The following NAV2 variants were observed in gnomAD, a reference collection of about 807,000 sequenced individuals.
NAV2 encodes helicase, APC down-regulated 1.
A neutral mutation model predicts 223.2 loss-of-function variants in NAV2; 54 were observed. The ratio of observed to expected loss-of-function variants is 0.24; its 90% CI spans 0.19 to 0.30. The LOEUF is 0.30. Ranked by LOEUF, NAV2 falls within the 10% of genes least tolerant of loss-of-function variation. The probability of loss-of-function intolerance (pLI) is 1.00; values close to 1 mark genes in which losing one functional copy is unlikely to be tolerated. For missense variants in NAV2, 2,806 were observed against 3,147.5 expected (o/e 0.89, Z 2.60); for synonymous variants, 1,279 against 1,239.3 (o/e 1.03, Z -0.67).
chr11:20,013,658 C>CG (rs1429909345), intron 11 of NAV2, among the ~76,000 whole-genome samples: 2 of 152,058 alleles, frequency 1.3e-5, no homozygotes, highest in Non-Finnish European at 2.9e-5. Context: ...AAGGGTTCTG[C>CG]GGGAAAAGGT....
intron 1 of NAV2, among the ~76,000 whole-genome samples, chr11:19,539,156 C>T (rs987341302): frequency 2.6e-5 from 4 of 152,184 alleles, no homozygotes; most frequent in South Asian, 2.1e-4. Flanking sequence ...TCTAATTCTA[C>T]GTACTGAGCC....
At chr11:19,564,596 AGACTTAGCG>A in intron 1 of NAV2, among the ~76,000 whole-genome samples, 1 of 151,880 alleles carries the variant, frequency 6.6e-6, no homozygotes, top group Middle Eastern at 3.4e-3. Flanking sequence ...GTGCCTCACC[AGACTTAGCG>A]AGAGGGGCTG....
At chr11:19,580,125 CG>C (rs2045673411) in intron 1 of NAV2, among the ~76,000 whole-genome samples, 1 of 152,032 alleles carries the variant, frequency 6.6e-6, no homozygotes, top group African/African-American at 2.4e-5. Context: ...TTGACCCAAC[CG>C]GGGGGTGGGG....
chr11:19,491,853 G>C lies in NAV2; in HGVS notation c.75+140826G>C, dbSNP rs188127678. Among the ~76,000 whole-genome samples the C allele has an allele frequency of 9.9e-5, 15 of 152,254 alleles. No homozygotes were observed. In the East Asian group the frequency reaches 2.9e-3, roughly 29 times the overall value. On this transcript the variant is annotated intron_variant, in intron 1 of 37. Transcript: ENST00000360655. ...TTCTAGCTTTTGATTTAAAGTGAGA[G>C]ATGTGCGACTCTTCCTTTCACTTGA...
intron 1 of NAV2, among the ~76,000 whole-genome samples, chr11:19,513,931 T>C (rs1183282185): frequency 6.6e-6 from 1 of 152,128 alleles, no homozygotes; most frequent in Non-Finnish European, 1.5e-5. Context: ...AAGGAAGAAT[T>C]CTACCCTGAG....
intron 1 of NAV2, among the ~76,000 whole-genome samples, chr11:19,387,586 G>A (rs1769928059): frequency 6.6e-6 from 1 of 152,114 alleles, no homozygotes; most frequent in South Asian, 2.1e-4. Flanking sequence ...GGAAGGGATT[G>A]AGTAGTTGGT....
In NAV2 at chr11:19,962,287, G is replaced by A. The variant is rs146495249; in HGVS notation, c.2645+13207G>A. On this transcript the variant is annotated intron_variant, in intron 10 of 37. Transcript: ENST00000349880. ...CCACCTACATTATGGAGGATGATCTGCTTTACTCAGAGTCTACTGATTTAA... is the reference window on the plus strand; with the variant it reads ...CCACCTACATTATGGAGGATGATCTACTTTACTCAGAGTCTACTGATTTAA... Among the ~76,000 whole-genome samples, 6 of 152,048 alleles carry A rather than the reference G, an allele frequency of 3.9e-5. No individual in the cohort carries two copies. The East Asian group carries it at 1.2e-3, about 30-fold the overall frequency.
chr11:19,675,012 G>A (rs926305351), intron 1 of NAV2, among the ~76,000 whole-genome samples: 4 of 152,194 alleles, frequency 2.6e-5, no homozygotes, highest in Non-Finnish European at 5.9e-5. Context: ...AAGAGCCTGA[G>A]TGCTTCTAAT....
intron 26 of NAV2, among the ~76,000 whole-genome samples, chr11:20,088,931 T>C (rs2060635692): frequency 1.3e-5 from 2 of 152,036 alleles, no homozygotes; most frequent in South Asian, 4.1e-4. Context: ...TTACACTCCA[T>C]TTAAACCAAG....
At chr11:20,087,387 C>T (rs2060522309) in intron 26 of NAV2, among the ~76,000 whole-genome samples, 1 of 152,144 alleles carries the variant, frequency 6.6e-6, no homozygotes, top group Non-Finnish European at 1.5e-5. Flanking sequence ...AAAGGGTAGG[C>T]TGAGAGCAAA....
At chr11:19,511,052 T>TTTTTAGGC (rs1327313433) in intron 1 of NAV2, 1 of 152,212 alleles carries the variant, frequency 6.6e-6, no homozygotes, top group Non-Finnish European at 1.5e-5. Context: ...TTAGTCTTGG[T>TTTTTAGGC]TTTTAGGCTG....
chr11:19,923,359 C>G (rs1310385192), intron 6 of NAV2, among the ~76,000 whole-genome samples: 1 of 151,874 alleles, frequency 6.6e-6, no homozygotes, highest in Non-Finnish European at 1.5e-5. Context: ...TGCAAATAGG[C>G]ACATTAAAGG....
At chr11:19,402,201 G>A (rs1249473663) in intron 1 of NAV2, among the ~76,000 whole-genome samples, 1 of 152,218 alleles carries the variant, frequency 6.6e-6, no homozygotes, top group Admixed American at 6.5e-5. Flanking sequence ...ATGTGCTGAG[G>A]AGCATGGACT....
At chr11:19,786,365 C>T (rs1230882742) in intron 1 of NAV2, among the ~76,000 whole-genome samples, 2 of 152,190 alleles carry the variant, frequency 1.3e-5, no homozygotes, top group East Asian at 3.8e-4. Context: ...CTTTAGTCTC[C>T]ATCATTTTTG....
chr11:19,944,802 C>T (rs1210164266), intron 8 of NAV2, among the ~76,000 whole-genome samples: 1 of 143,058 alleles, frequency 7.0e-6, no homozygotes, highest in East Asian at 2.1e-4. Flanking sequence ...GGCTTTCTGT[C>T]TGTCTTTTCT....
intron 1 of NAV2, among the ~76,000 whole-genome samples, chr11:19,548,876 C>CAAAAAAAAAA (rs10709105): frequency 1.3e-5 from 1 of 78,646 alleles, no homozygotes; most frequent in African/African-American, 4.4e-5. Flanking sequence ...GGCTCCGTCT[C>CAAAAAAAAAA]AAAAAAAAAA....
intron 1 of NAV2, among the ~76,000 whole-genome samples, chr11:19,524,586 C>CGGCTATG (rs2043785355): frequency 6.6e-6 from 1 of 152,116 alleles, no homozygotes; most frequent in African/African-American, 2.4e-5. Flanking sequence ...CCAGGGCTGC[C>CGGCTATG]GGCTATGGAG....
intron 1 of NAV2, among the ~76,000 whole-genome samples, chr11:19,707,330 GCAAA>G (rs1461608074): frequency 2.0e-5 from 3 of 151,956 alleles, no homozygotes; most frequent in East Asian, 3.9e-4. Context: ...AGCTTAAAAC[GCAAA>G]CACATTGTAC....
intron 1 of NAV2, among the ~76,000 whole-genome samples, chr11:19,759,043 G>C (rs2054494158): frequency 6.7e-6 from 1 of 149,608 alleles, no homozygotes. Flanking sequence ...AGGTGCTTCT[G>C]TGCAATTGAT....
Sources: allele counts gnomAD v4.1 joint callset (sites outside exome capture counted in the v4.1 genomes callset), GRCh38; gene constraint gnomAD v4.1.1; transcripts MANE v1.5; gene names NCBI Gene and HGNC (gene_info 2026-07-23, HGNC 2026-07-21).